Variants in PXDNL observed in about 807,000 individuals in gnomAD.
PXDNL encodes peroxidasin like, also known as probable oxidoreductase PXDNL.
A neutral mutation model predicts 150.8 loss-of-function variants in PXDNL; 145 were observed. The observed-to-expected ratio is 0.96, with a 90% CI of 0.84 to 1.10. The LOEUF (loss-of-function observed/expected upper bound fraction) is 1.10, where lower values mean the gene tolerates loss of function less well. PXDNL is among the 50% of genes least tolerant of loss of function. PXDNL has a pLI of 0.00. For missense variants in PXDNL, 2,087 were observed against 1,873.9 expected, an observed-to-expected ratio of 1.11 and a Z score of -2.10; for synonymous variants, 757 against 725.7, an observed-to-expected ratio of 1.04 and a Z score of -0.69.
intron 8 of PXDNL, among the ~76,000 whole-genome samples, chr8:51,468,296 T>A (rs558163535): frequency 1.3e-5 from 2 of 152,090 alleles, no homozygotes; most frequent in South Asian, 4.1e-4. Flanking sequence ...CTTGTTTTAT[T>A]CTTCATCAGC....
intron 2 of PXDNL, among the ~76,000 whole-genome samples, chr8:51,610,310 T>A (rs962803956): frequency 3.3e-5 from 5 of 152,214 alleles, no homozygotes; most frequent in Non-Finnish European, 5.9e-5. Context: ...CCATCCATAG[T>A]TCTGGAGCTA....
chr8:51,776,602 T>C (rs1036702431), intron 1 of PXDNL, among the ~76,000 whole-genome samples: 10 of 152,172 alleles, frequency 6.6e-5, no homozygotes, highest in African/African-American at 2.4e-4. Context: ...CTCTTCTCAA[T>C]GAGGCCTTGA....
chr8:51,534,388 G>A (rs1427681659), intron 4 of PXDNL, among the ~76,000 whole-genome samples: 5 of 144,418 alleles, frequency 3.5e-5, no homozygotes, highest in South Asian at 2.2e-4. Context: ...CAGCCGCCCA[G>A]TCCGGGAGGT....
At chr8:51,583,769 C>A (rs1331673136) in intron 3 of PXDNL, among the ~76,000 whole-genome samples, 2 of 152,072 alleles carry the variant, frequency 1.3e-5, no homozygotes, top group Non-Finnish European at 2.9e-5. Context: ...GATAGATAGA[C>A]TGTTGGATGG....
At chr8:51,412,718 A>G (rs1330051304) in intron 15 of PXDNL, among the ~76,000 whole-genome samples, 6 of 152,238 alleles carry the variant, frequency 3.9e-5, no homozygotes, top group Non-Finnish European at 7.3e-5. Context: ...CTAGTCCATG[A>G]ACATTCCAAT....
chr8:51,491,683 G>A (rs1447888603), intron 5 of PXDNL, among the ~76,000 whole-genome samples: 2 of 152,090 alleles, frequency 1.3e-5, no homozygotes, highest in Middle Eastern at 3.2e-3. Context: ...AGTTTTCAGG[G>A]CTGCTGTTGG....
intron 21 of PXDNL, among the ~76,000 whole-genome samples, chr8:51,329,996 G>A (rs1052616178): frequency 6.6e-6 from 1 of 152,172 alleles, no homozygotes; most frequent in African/African-American, 2.4e-5. Flanking sequence ...TGAGAACCAG[G>A]AGTGCTGAGG....
At chr8:51,440,290 G>A (rs998452694) in intron 12 of PXDNL, among the ~76,000 whole-genome samples, 13 of 152,028 alleles carry the variant, frequency 8.6e-5, no homozygotes, top group African/African-American at 3.1e-4. Context: ...AAGGATGGGA[G>A]GGTGGTGAGG....
At chr8:51,575,545 T>C (rs914084676) in intron 3 of PXDNL, among the ~76,000 whole-genome samples, 13 of 152,004 alleles carry the variant, frequency 8.6e-5, no homozygotes, top group Admixed American at 8.5e-4. Flanking sequence ...TGAAACCCCA[T>C]CTCTATTAAA....
intron 12 of PXDNL, among the ~76,000 whole-genome samples, chr8:51,443,885 C>T (rs1563414485): frequency 1.3e-5 from 2 of 151,876 alleles, no homozygotes; most frequent in African/African-American, 2.4e-5. Flanking sequence ...TTGGTAGCTT[C>T]TTTTTTTTAT....
chr8:51,384,790 T>C (rs1807650705), intron 17 of PXDNL, among the ~76,000 whole-genome samples: 1 of 152,166 alleles, frequency 6.6e-6, no homozygotes, highest in South Asian at 2.1e-4. Context: ...TATAAGATTT[T>C]ACATAGAACT....
chr8:51,409,361 G>C lies in PXDNL; in HGVS notation c.2263C>G (p.Pro755Ala). 1 of 1,557,830 alleles carries C rather than the reference G, an allele frequency of 6.4e-7. No individual in the cohort carries two copies. The highest frequency in any genetic ancestry group is 8.6e-7 in the Non-Finnish European group (1 of 1,156,424). ...GCGCGGATGCCGTCCCGGTAGGCTG[G>C]CTGCAGCAGGCGCGCGAAGGCGGTC... ...ALTAFARLLQ[P>A]AYRDGIRAPR... is the part of the protein sequence containing the mutation. Residue 755 changes from proline (P) to alanine (A), a missense_variant, in exon 17 of 23, where the codon CCA (proline) becomes GCA (alanine). Pro to Ala is a conservative substitution (Grantham distance 27). Coordinates refer to ENST00000356297, the MANE Select transcript of PXDNL (RefSeq NM_144651.5).
chr8:51,653,470 G>T (rs1815081786), intron 2 of PXDNL, among the ~76,000 whole-genome samples: 1 of 152,120 alleles, frequency 6.6e-6, no homozygotes, highest in African/African-American at 2.4e-5. Context: ...ATCCTGAGAA[G>T]TCCTAAATTA....
At chr8:51,442,380 A>T (rs1300175564) in intron 12 of PXDNL, among the ~76,000 whole-genome samples, 1 of 151,266 alleles carries the variant, frequency 6.6e-6, no homozygotes, top group Non-Finnish European at 1.5e-5. Flanking sequence ...AATGTTGATG[A>T]CTTATCACTC....
At chr8:51,413,329 G>T in intron 14 of PXDNL, 71 bp from the exon 15 acceptor site, 2 of 841,388 alleles carry the variant, frequency 2.4e-6, no homozygotes, top group Non-Finnish European at 3.9e-6. Flanking sequence ...TATATGAATG[G>T]CATTACATTT....
At chr8:51,484,234 C>T (rs915561244) in intron 5 of PXDNL, among the ~76,000 whole-genome samples, 7 of 151,918 alleles carry the variant, frequency 4.6e-5, no homozygotes, top group African/African-American at 9.7e-5. Flanking sequence ...GCCAGGAGTT[C>T]GAGACCAGCC....
At chr8:51,648,332 G>A (rs1014115502) in intron 2 of PXDNL, among the ~76,000 whole-genome samples, 33 of 152,264 alleles carry the variant, frequency 2.2e-4, no homozygotes, top group Admixed American at 2.2e-3. Context: ...TTCAGAGTGG[G>A]CCCTTAATCC....
intron 1 of PXDNL, among the ~76,000 whole-genome samples, chr8:51,664,876 G>A (rs977630388): frequency 1.3e-5 from 2 of 152,098 alleles, no homozygotes; most frequent in Non-Finnish European, 2.9e-5. Context: ...ATCACAGCCT[G>A]GTCATACTGT....
chr8:51,351,387 T>C (rs1480184548), intron 19 of PXDNL, among the ~76,000 whole-genome samples: 2 of 152,174 alleles, frequency 1.3e-5, no homozygotes, highest in Non-Finnish European at 1.5e-5. Context: ...CACAGAATAC[T>C]GTGTGAACAT....
Sources: gnomAD v4.1 joint callset for allele counts (sites outside exome capture counted in the v4.1 genomes callset) on GRCh38, gnomAD v4.1.1 for gene constraint, MANE v1.5 for transcripts, NCBI Gene and HGNC (gene_info 2026-07-23, HGNC 2026-07-21) for gene names.